Variants in POLA1 observed in about 807,000 individuals in gnomAD.
The protein encoded by POLA1 is DNA polymerase alpha catalytic subunit.
Under a neutral mutation model 124.0 loss-of-function variants are expected in POLA1, and 15 were observed. The ratio of observed to expected loss-of-function variants is 0.12; its 90% CI spans 0.08 to 0.19. POLA1 has a LOEUF of 0.19. POLA1 is among the 10% of genes least tolerant of loss of function. POLA1 has a pLI of 1.00. For missense variants in POLA1, 886 were observed against 1,103.4 expected, an observed-to-expected ratio of 0.80 and a Z score of 2.79; for synonymous variants, 408 against 389.4, an observed-to-expected ratio of 1.05 and a Z score of -0.56.
At chrX:24,880,332 A>G (rs2046986958) in intron 34 of POLA1, among the ~76,000 whole-genome samples, 1 of 112,363 alleles carries the variant, frequency 8.9e-6, no homozygotes, top group Non-Finnish European at 1.9e-5. Flanking sequence ...AATTTTAATA[A>G]TATTTAAGAT....
intron 36 of POLA1, among the ~76,000 whole-genome samples, chrX:24,978,138 A>C (rs927734958): frequency 3.6e-5 from 4 of 112,234 alleles, no homozygotes. Context: ...ACAGAGCAAA[A>C]TATGTGTATT....
At chrX:24,765,030 C>G (rs998096373) in intron 26 of POLA1, among the ~76,000 whole-genome samples, 2 of 111,245 alleles carry the variant, frequency 1.8e-5, no homozygotes, top group African/African-American at 3.3e-5. Context: ...CTACGTGGAT[C>G]ACTTCACCTC....
Position 24,789,190 on chromosome X carries a change from A to T in POLA1, c.2965-20708A>T, listed in dbSNP as rs2045442285. 2.6e-5 allele frequency: 16 copies of T among 607,912 alleles called. No homozygotes were observed. The South Asian group carries it at 4.3e-4, about 16-fold the overall frequency. 50.1% of individuals were successfully genotyped at this position (607,912 alleles called of 1,213,427 possible). On this transcript the variant is annotated intron_variant, in intron 26 of 36. Transcript: ENST00000379068. ...TAGGCAAGAGAAAAAAGTAAAAGGC[A>T]TGCAAATCAGAAAGGAAGAAGTTAA...
chrX:24,810,700 TTCA>T lies in POLA1; in HGVS notation c.2998-4_2998-2del. The T allele has an allele frequency of 1.1e-6, 1 of 885,230 alleles. No homozygotes were observed. The highest frequency in any genetic ancestry group is 1.6e-6 in the Non-Finnish European group (1 of 621,390). 73.0% of individuals were successfully genotyped at this position (885,230 alleles called of 1,213,427 possible). On this transcript the variant is annotated splice_polypyrimidine_tract_variant and splice_region_variant and intron_variant, in intron 27 of 36. Coordinates refer to ENST00000379068, the MANE Select transcript of POLA1 (RefSeq NM_001330360.2). ...TTGTTAATTTTTATAATTTTTGCTT[TTCA>T]TCAGATGAATCTTGAAGTTATTTAT...
rs756086090 is a variant in POLA1, at chrX:24,877,540, A to G, written c.4048-10466A>G. 1.6e-3 allele frequency among the ~76,000 whole-genome samples: 184 copies of G among 111,953 alleles called. 2 individuals carry two copies. Among genetic ancestry groups the G allele is most frequent in the Non-Finnish European group, 3.1e-3 (164 of 53,189 alleles). The stretch of plus-strand genomic sequence containing the variant: ...TGAGGGAGAAGCCTCACAGGCAGTG[A>G]GTCTTGGAGCAGGCCAGAAGAGTAA... On this transcript the variant is annotated intron_variant, in intron 34 of 36. Coordinates refer to ENST00000379068, the MANE Select transcript of POLA1 (RefSeq NM_001330360.2).
chrX:24,734,557 T>C (rs1931146029), intron 17 of POLA1, among the ~76,000 whole-genome samples: 1 of 111,461 alleles, frequency 9.0e-6, no homozygotes, highest in Admixed American at 9.5e-5. Context: ...AGGCTATTAT[T>C]TGTGAAGTGC....
chrX:24,843,466 A>G, intron 33 of POLA1, 80 bp from the exon 34 acceptor site: 1 of 647,906 alleles, frequency 1.5e-6, no homozygotes, highest in Non-Finnish European at 2.3e-6. Context: ...CAACACTAGG[A>G]CAGCATGTAA....
At chrX:24,909,612 A>G (rs1326355217) in intron 35 of POLA1, among the ~76,000 whole-genome samples, 3 of 111,296 alleles carry the variant, frequency 2.7e-5, no homozygotes, top group Non-Finnish European at 5.7e-5. Context: ...TTTTGGTATC[A>G]GTACCATGCT....
intron 34 of POLA1, among the ~76,000 whole-genome samples, chrX:24,871,648 A>G (rs1787750668): frequency 9.1e-6 from 1 of 110,041 alleles, no homozygotes; most frequent in Non-Finnish European, 1.9e-5. Flanking sequence ...AACAGACCTT[A>G]CAGTCATCTA....
chrX:24,973,606 A>T (rs2048329772), intron 36 of POLA1, among the ~76,000 whole-genome samples: 2 of 111,131 alleles, frequency 1.8e-5, no homozygotes, highest in Non-Finnish European at 3.8e-5. Flanking sequence ...GCCTGCAGTA[A>T]CCTGCTCTTT....
At chrX:24,960,195 AT>A (rs1021521689) in intron 36 of POLA1, among the ~76,000 whole-genome samples, 5 of 111,843 alleles carry the variant, frequency 4.5e-5, no homozygotes, top group Admixed American at 9.5e-5. Flanking sequence ...AAATATTTCA[AT>A]AGTTGTTAGA....
chrX:24,812,937 T>C (rs1444641157), intron 29 of POLA1, 74 bp downstream of exon 29: 4 of 543,267 alleles, frequency 7.4e-6, no homozygotes, highest in African/African-American at 4.7e-5. Flanking sequence ...TAGAGAATGC[T>C]TATGAATCTG....
At chrX:24,728,595 T>C (rs1471450457) in intron 15 of POLA1, among the ~76,000 whole-genome samples, 1 of 112,060 alleles carries the variant, frequency 8.9e-6, no homozygotes, top group Non-Finnish European at 1.9e-5. Flanking sequence ...TTAATGACAT[T>C]GAATAATTAA....
At chrX:24,899,105 G>T (rs1006991143) in intron 35 of POLA1, among the ~76,000 whole-genome samples, 3 of 111,927 alleles carry the variant, frequency 2.7e-5, no homozygotes, top group Non-Finnish European at 3.8e-5. Flanking sequence ...GACAAACTCT[G>T]TGGGTTTCCT....
intron 34 of POLA1, among the ~76,000 whole-genome samples, chrX:24,860,377 G>A (rs1468750279): frequency 8.9e-6 from 1 of 112,518 alleles, no homozygotes; most frequent in African/African-American, 3.2e-5. Flanking sequence ...CATATGCCCA[G>A]TGGACTTCCT....
At chrX:24,727,137 G>A in intron 14 of POLA1, 66 bp downstream of exon 14, 1 of 929,946 alleles carries the variant, frequency 1.1e-6, no homozygotes, top group Admixed American at 2.9e-5. Flanking sequence ...TAAAAGGGAA[G>A]TTAGGAAATT....
chrX:24,855,749 C>G (rs758849481), intron 34 of POLA1, among the ~76,000 whole-genome samples: 1 of 111,306 alleles, frequency 9.0e-6, no homozygotes, highest in African/African-American at 3.3e-5. Context: ...GTCATCCCTA[C>G]GTATACTAGG....
At chrX:24,730,961 C>T (rs999491138) in intron 15 of POLA1, among the ~76,000 whole-genome samples, 3 of 112,188 alleles carry the variant, frequency 2.7e-5, no homozygotes, top group African/African-American at 6.5e-5. Flanking sequence ...TCTTCATAGA[C>T]GGTTTCCAGC....
rs751941559 is a variant in POLA1 at position 24,742,158 on chromosome X, A to G, written c.2466+37A>G. The stretch of plus-strand genomic sequence containing the variant: ...ACTGTGTAGTATTTTGTTTTCTCTT[A>G]ACCCCCCCCCCCCTTTTAATACCTA... On this transcript the variant is annotated intron_variant, in intron 22 of 36. Transcript: ENST00000379068. 8 of 635,896 alleles carry G rather than the reference A, an allele frequency of 1.3e-5. No individual in the cohort carries two copies. In the East Asian group the frequency reaches 4.8e-4, roughly 38 times the overall value. The allele number at this position is 635,896 out of a possible 1,213,427, so 52.4% of individuals were successfully genotyped here.
Sources: allele counts gnomAD v4.1 joint callset (sites outside exome capture counted in the v4.1 genomes callset), GRCh38; gene constraint gnomAD v4.1.1; transcripts MANE v1.5; gene names NCBI Gene and HGNC (gene_info 2026-07-23, HGNC 2026-07-21).